GPRIN3: variants seen among roughly 807,000 people sequenced by gnomAD.
GPRIN3 encodes GPRIN family member 3.
Under a neutral mutation model 13.7 loss-of-function variants are expected in GPRIN3, and 12 were observed. That is an observed-to-expected ratio of 0.87 (90% CI 0.56 to 1.42). The LOEUF is 1.42. GPRIN3 is among the 40% of genes most tolerant of loss of function. GPRIN3 has a pLI of 0.00. For synonymous variants in GPRIN3, 377 were observed against 372.7 expected (o/e 1.01, Z -0.13); for missense variants, 1,009 against 958.7 (o/e 1.05, Z -0.69).
At chr4:89,289,360 G>A (rs905010063) in intron 1 of GPRIN3, among the ~76,000 whole-genome samples, 1 of 151,504 alleles carries the variant, frequency 6.6e-6, no homozygotes, top group Admixed American at 6.6e-5. Flanking sequence ...TCTGTTAATG[G>A]CACCAATGTT....
intron 1 of GPRIN3, among the ~76,000 whole-genome samples, chr4:89,263,054 G>C (rs1012464838): frequency 6.6e-6 from 1 of 152,146 alleles, no homozygotes; most frequent in Admixed American, 6.5e-5. Context: ...TTAATTGCCA[G>C]TTATCAAATC....
rs541506263 is a variant in GPRIN3 at position 89,250,269 on chromosome 4, C to T, written c.-123-36G>A. 15 of 1,380,056 alleles carry T rather than the reference C, an allele frequency of 1.1e-5. No individual in the cohort carries two copies. In the South Asian group the frequency reaches 1.2e-4, roughly 11 times the overall value. 85.5% of individuals were successfully genotyped at this position (1,380,056 alleles called of 1,614,324 possible). ...AGGAAACAGCATCATTAATACAGTACGTCGCTTAAGGATTGAAAAATAAAC... is the reference window on the plus strand; with the variant it reads ...AGGAAACAGCATCATTAATACAGTATGTCGCTTAAGGATTGAAAAATAAAC... On this transcript the variant is annotated intron_variant, in intron 1 of 1. Coordinates refer to ENST00000609438, the MANE Select transcript of GPRIN3 (RefSeq NM_198281.3).
intron 1 of GPRIN3, among the ~76,000 whole-genome samples, chr4:89,303,793 A>G (rs1358020308): frequency 6.7e-6 from 1 of 149,362 alleles, no homozygotes; most frequent in Non-Finnish European, 1.5e-5. Flanking sequence ...ATATGTATAT[A>G]TGTGTATATA....
At chr4:89,269,797 G>A (rs530756070) in intron 1 of GPRIN3, among the ~76,000 whole-genome samples, 40 of 152,292 alleles carry the variant, frequency 2.6e-4, no homozygotes, top group Admixed American at 2.4e-3. Flanking sequence ...TTGCTATGTG[G>A]TTTGAGCACA....
intron 1 of GPRIN3, among the ~76,000 whole-genome samples, chr4:89,290,161 G>A (rs1724533785): frequency 1.3e-5 from 2 of 151,824 alleles, no homozygotes; most frequent in Non-Finnish European, 2.9e-5. Context: ...TGTAGAGACA[G>A]AGTTTTGCCA....
At chr4:89,289,768 C>T (rs1365964991) in intron 1 of GPRIN3, among the ~76,000 whole-genome samples, 2 of 152,096 alleles carry the variant, frequency 1.3e-5, no homozygotes, top group Non-Finnish European at 2.9e-5. Flanking sequence ...TCCTCCAATG[C>T]AGCTTATGTA....
At chr4:89,250,498 G>A (rs1387241279) in intron 1 of GPRIN3, 1 of 159,352 alleles carries the variant, frequency 6.3e-6, no homozygotes, top group African/African-American at 2.4e-5. Context: ...TAGCAAATAG[G>A]TTTTTCATGT....
chr4:89,286,091 G>A (rs1023875775), intron 1 of GPRIN3, among the ~76,000 whole-genome samples: 1 of 146,658 alleles, frequency 6.8e-6, no homozygotes, highest in African/African-American at 2.5e-5. Context: ...ATGTGTGTGT[G>A]TATATATATA....
chr4:89,277,844 G>A (rs953114369), intron 1 of GPRIN3, among the ~76,000 whole-genome samples: 3 of 151,754 alleles, frequency 2.0e-5, no homozygotes, highest in African/African-American at 7.3e-5. Flanking sequence ...TGAAATATGC[G>A]GTTCTATTGG....
At chr4:89,267,773 A>C (rs1723820845) in intron 1 of GPRIN3, among the ~76,000 whole-genome samples, 1 of 152,328 alleles carries the variant, frequency 6.6e-6, no homozygotes, top group East Asian at 1.9e-4. Context: ...ATGATAGGGA[A>C]GATTTCAACT....
intron 1 of GPRIN3, among the ~76,000 whole-genome samples, chr4:89,303,560 C>T (rs1429491276): frequency 6.6e-6 from 1 of 151,902 alleles, no homozygotes; most frequent in Non-Finnish European, 1.5e-5. Context: ...AAATAATTAA[C>T]AACTCAAAAA....
At chr4:89,253,033 C>A (rs34914363) in intron 1 of GPRIN3, among the ~76,000 whole-genome samples, 8,268 of 121,760 alleles carry the variant, frequency 0.068, 336 homozygotes, top group East Asian at 0.21. Flanking sequence ...AAAAAAAAAA[C>A]AACTCCTACA....
rs991800153 is a variant in GPRIN3, at chr4:89,244,322, C to T, written c.*3458G>A. 8 of 152,030 alleles carry T rather than the reference C, an allele frequency of 5.3e-5. No homozygotes were observed. The highest frequency in any genetic ancestry group is 1.9e-4 in the African/African-American group (8 of 41,396). 9.4% of individuals were successfully genotyped at this position (152,030 alleles called of 1,614,324 possible). A position where few individuals can be genotyped will look rare whatever the true frequency, so the allele number is the denominator to read the frequency against. On this transcript the variant is annotated 3_prime_UTR_variant, in exon 2 of 2. Transcript: ENST00000609438. ...TCAATTTTTATGTTTAACTTTATAA[C>T]ATGGTGAACACTGGTATTCAAAACA... is the stretch of plus-strand genomic sequence containing the variant.
chr4:89,277,220 A>T (rs2149275945), intron 1 of GPRIN3, among the ~76,000 whole-genome samples: 1 of 152,262 alleles, frequency 6.6e-6, no homozygotes, highest in South Asian at 2.1e-4. Context: ...TCCAGGCCCA[A>T]ATGGTAACCA....
In GPRIN3 at chr4:89,259,170, A is replaced by G. The variant is rs543733423; in HGVS notation, c.-123-8937T>C. On this transcript the variant is annotated intron_variant, in intron 1 of 1. Transcript: ENST00000609438. ...TAGCTAACTTGAAAATTAACACACAATAAGCTTTATTCTTTTTCATTCAGG... is the reference window on the plus strand; with the variant it reads ...TAGCTAACTTGAAAATTAACACACAGTAAGCTTTATTCTTTTTCATTCAGG... Among the ~76,000 whole-genome samples, 16 of 152,264 alleles carry G rather than the reference A, an allele frequency of 1.1e-4. No homozygotes were observed. The South Asian group carries it at 2.9e-3, about 28-fold the overall frequency.
Position 89,248,253 on chromosome 4 carries a change from C to G in GPRIN3, c.1858G>C (p.Gly620Arg). The change falls in exon 2 of 2, where the codon GGC (glycine) becomes CGC (arginine). Residue 620 changes from glycine (G) to arginine (R), a missense_variant. Coordinates refer to ENST00000609438, the MANE Select transcript of GPRIN3 (RefSeq NM_198281.3). The stretch of plus-strand genomic sequence containing the variant: ...ACGGAGCGAGATGGGGTCTTCTTGC[C>G]AGAACCTGGGCTGGAGTCACCCATG... ...DPMGDSSPGS[G>R]KKTPSRSVKA... 1.2e-6 allele frequency: 2 copies of G among 1,614,158 alleles called. No homozygotes were observed. The highest frequency in any genetic ancestry group is 1.3e-5 in the African/African-American group (1 of 75,040).
At chr4:89,305,128 T>A (rs1045718480) in intron 1 of GPRIN3, among the ~76,000 whole-genome samples, 3 of 152,322 alleles carry the variant, frequency 2.0e-5, no homozygotes, top group African/African-American at 7.2e-5. Flanking sequence ...TGGATCCTGC[T>A]GCCCTCTCCA....
chr4:89,281,891 A>G (rs1021290171), intron 1 of GPRIN3, among the ~76,000 whole-genome samples: 4 of 151,552 alleles, frequency 2.6e-5, no homozygotes, highest in Non-Finnish European at 5.9e-5. Context: ...TTCCCCCTTA[A>G]TTACAAGTCT....
chr4:89,270,414 C>T (rs1723901247), intron 1 of GPRIN3, among the ~76,000 whole-genome samples: 1 of 151,318 alleles, frequency 6.6e-6, no homozygotes, highest in Non-Finnish European at 1.5e-5. Flanking sequence ...GTATACCTCT[C>T]TGAGTCTGGA....
Sources: allele counts gnomAD v4.1 joint callset (sites outside exome capture counted in the v4.1 genomes callset), GRCh38; gene constraint gnomAD v4.1.1; transcripts MANE v1.5; gene names NCBI Gene and HGNC (gene_info 2026-07-23, HGNC 2026-07-21).